The following ATXN7L1 variants were observed in gnomAD, a reference collection of about 807,000 sequenced individuals.
ATXN7L1 encodes the protein ataxin 7 like 1.
Under a neutral mutation model 70.8 loss-of-function variants are expected in ATXN7L1, and 15 were observed. The observed-to-expected ratio is 0.21, with a 90% CI of 0.14 to 0.33. The LOEUF is 0.33. ATXN7L1 is among the 10% of genes least tolerant of loss of function. ATXN7L1 has a pLI of 1.00. For synonymous variants in ATXN7L1, 440 were observed against 445.1 expected (o/e 0.99, Z 0.14); for missense variants, 975 against 1,097.1 (o/e 0.89, Z 1.57).
chr7:105,711,710 ACTTTCATGGTGTTGAGTGCCTG>A, intron 3 of ATXN7L1, among the ~76,000 whole-genome samples: 1 of 152,188 alleles, frequency 6.6e-6, no homozygotes, highest in East Asian at 1.9e-4. Flanking sequence ...CCCTACGGCT[ACTTTCATGGTGTTGAGTGCCTG>A]TGGCACTTCC....
Position 105,607,631 on chromosome 7 carries a change from A to C in ATXN7L1, c.*221T>G, listed in dbSNP as rs1562880407. ...AATGAAAGGAAAGACAGCGGAAACC[A>C]AACACTGGAACTGTTTTCTGTAAAT... On this transcript the variant is annotated 3_prime_UTR_variant, in exon 12 of 12. Transcript: ENST00000419735. The C allele has an allele frequency of 1.8e-6, 1 of 559,746 alleles. No individual in the cohort carries two copies. The highest frequency in any genetic ancestry group is 3.2e-6 in the Non-Finnish European group (1 of 313,238). The allele number at this position is 559,746 out of a possible 1,614,324, so 34.7% of individuals were successfully genotyped here. A position where few individuals can be genotyped will look rare whatever the true frequency, so the allele number is the denominator to read the frequency against.
chr7:105,687,506 CG>C (rs1197845967), intron 3 of ATXN7L1, among the ~76,000 whole-genome samples: 2 of 152,126 alleles, frequency 1.3e-5, no homozygotes, highest in Non-Finnish European at 2.9e-5. Context: ...CATGAAGAGG[CG>C]GCAAGAGGGC....
At chr7:105,727,769 T>TATA (rs1554442544) in intron 3 of ATXN7L1, among the ~76,000 whole-genome samples, 1 of 120,298 alleles carries the variant, frequency 8.3e-6, no homozygotes, top group Non-Finnish European at 1.7e-5. Flanking sequence ...TATATATATA[T>TATA]ATATATATAC....
Position 105,732,592 on chromosome 7 carries a change from G to A in ATXN7L1, c.355+56012C>T, listed in dbSNP as rs546183606. ...GCCCCTCCAGCACCCAGGGACAACT[G>A]CTGAGTATGCAGTTGTTCTGAGTGG... On this transcript the variant is annotated intron_variant, in intron 3 of 11. Coordinates refer to ENST00000419735, the MANE Select transcript of ATXN7L1 (RefSeq NM_020725.2). Among the ~76,000 whole-genome samples, 15 of 152,270 alleles carry A rather than the reference G, an allele frequency of 9.9e-5. No homozygotes were observed. The South Asian group carries it at 3.1e-3, about 32-fold the overall frequency.
At chr7:105,670,477 A>C (rs1803372870) in intron 3 of ATXN7L1, among the ~76,000 whole-genome samples, 1 of 152,358 alleles carries the variant, frequency 6.6e-6, no homozygotes, top group South Asian at 2.1e-4. Flanking sequence ...TCGTTAATGC[A>C]TATAGCTTTA....
chr7:105,689,768 C>T (rs1041980919), intron 3 of ATXN7L1, among the ~76,000 whole-genome samples: 9 of 152,180 alleles, frequency 5.9e-5, no homozygotes, highest in Non-Finnish European at 1.3e-4. Context: ...CAAATGGGGG[C>T]ATGAGGAGGC....
At chr7:105,723,582 G>T (rs1249410184) in intron 3 of ATXN7L1, among the ~76,000 whole-genome samples, 1 of 152,072 alleles carries the variant, frequency 6.6e-6, no homozygotes, top group East Asian at 1.9e-4. Flanking sequence ...AGGGAGAGAG[G>T]CCACAAAGAA....
At chr7:105,664,503 A>G (rs1016243001) in intron 4 of ATXN7L1, among the ~76,000 whole-genome samples, 1 of 146,522 alleles carries the variant, frequency 6.8e-6, no homozygotes, top group Non-Finnish European at 1.5e-5. Context: ...TGTATAATAT[A>G]TGTATAATAT....
intron 3 of ATXN7L1, among the ~76,000 whole-genome samples, chr7:105,756,448 C>T (rs1799819166): frequency 6.6e-6 from 1 of 152,134 alleles, no homozygotes; most frequent in South Asian, 2.1e-4. Flanking sequence ...CTCTTTAATG[C>T]CTTTCAATAT....
chr7:105,679,229 G>T, intron 3 of ATXN7L1: 1 of 822,086 alleles, frequency 1.2e-6, no homozygotes, highest in Non-Finnish European at 1.5e-6. Flanking sequence ...AGAAAGAAAA[G>T]CCCGGAACAG....
At chr7:105,843,592 A>G (rs974868248) in intron 2 of ATXN7L1, among the ~76,000 whole-genome samples, 2 of 152,236 alleles carry the variant, frequency 1.3e-5, no homozygotes, top group African/African-American at 4.8e-5. Context: ...GGGCAGAGGC[A>G]GAGTACAGCT....
At chr7:105,856,754 AAAG>A (rs1367684470) in intron 2 of ATXN7L1, among the ~76,000 whole-genome samples, 1 of 152,148 alleles carries the variant, frequency 6.6e-6, no homozygotes, top group Non-Finnish European at 1.5e-5. Context: ...TTCTAATAGA[AAAG>A]AACTTACAAA....
At chr7:105,678,503 G>C (rs974328790) in intron 3 of ATXN7L1, among the ~76,000 whole-genome samples, 48 of 152,276 alleles carry the variant, frequency 3.2e-4, no homozygotes, top group African/African-American at 1.1e-3. Context: ...ATCGTGGACA[G>C]GAAAGAAGGA....
At chr7:105,851,374 G>A (rs1444350156) in intron 2 of ATXN7L1, among the ~76,000 whole-genome samples, 2 of 152,178 alleles carry the variant, frequency 1.3e-5, no homozygotes, top group East Asian at 3.8e-4. Flanking sequence ...TCAACTATAC[G>A]CAGAGATGGG....
At chr7:105,871,007 C>T (rs1196379977) in intron 2 of ATXN7L1, among the ~76,000 whole-genome samples, 3 of 151,134 alleles carry the variant, frequency 2.0e-5, no homozygotes, top group Admixed American at 6.6e-5. Context: ...ATTTTTGCCA[C>T]CAAGAAGTTA....
intron 3 of ATXN7L1, among the ~76,000 whole-genome samples, chr7:105,720,765 T>C (rs970145782): frequency 3.9e-5 from 6 of 152,116 alleles, no homozygotes; most frequent in Non-Finnish European, 7.4e-5. Flanking sequence ...CCACTGTGCC[T>C]GGCTCCTTCT....
chr7:105,667,698 C>CAAA (rs397890100), intron 3 of ATXN7L1, among the ~76,000 whole-genome samples: 3 of 47,042 alleles, frequency 6.4e-5, no homozygotes, highest in Admixed American at 2.8e-4. Context: ...GACTCCGTCT[C>CAAA]AAAAAAAAAA....
chr7:105,707,437 G>T (rs1320945100), intron 3 of ATXN7L1, among the ~76,000 whole-genome samples: 1 of 152,176 alleles, frequency 6.6e-6, no homozygotes, highest in Admixed American at 6.5e-5. Flanking sequence ...GTACAAAAAA[G>T]ATGAAGAATG....
intron 3 of ATXN7L1, among the ~76,000 whole-genome samples, chr7:105,668,298 A>G (rs1376258217): frequency 6.6e-6 from 1 of 152,226 alleles, no homozygotes; most frequent in African/African-American, 2.4e-5. Flanking sequence ...CTGTGGCACG[A>G]TCATGGCTTA....
Sources: allele counts gnomAD v4.1 joint callset (sites outside exome capture counted in the v4.1 genomes callset), GRCh38; gene constraint gnomAD v4.1.1; transcripts MANE v1.5; gene names NCBI Gene and HGNC (gene_info 2026-07-23, HGNC 2026-07-21).